EBF2: variants seen among roughly 807,000 people sequenced by gnomAD.
EBF2 encodes transcription factor COE2.
A neutral mutation model predicts 72.8 loss-of-function variants in EBF2; 21 were observed. The ratio of observed to expected loss-of-function variants is 0.29; its 90% confidence interval spans 0.20 to 0.42. The LOEUF is 0.42. Ranked by LOEUF, EBF2 falls within the 10% of genes least tolerant of loss-of-function variation. The pLI is 1.00. For synonymous variants in EBF2, 299 were observed against 274.2 expected (o/e 1.09, Z -0.89); for missense variants, 637 against 731.2 (o/e 0.87, Z 1.49).
intron 15 of EBF2, among the ~76,000 whole-genome samples, chr8:25,847,240 C>G (rs1801858990): frequency 6.6e-6 from 1 of 152,130 alleles, no homozygotes; most frequent in African/African-American, 2.4e-5. Context: ...ACAATGAAGT[C>G]TAGAGAAGGG....
At chr8:25,886,650 TA>T in intron 10 of EBF2, 104 bp downstream of exon 10, 1 of 1,355,432 alleles carries the variant, frequency 7.4e-7, no homozygotes, top group Non-Finnish European at 9.9e-7. Context: ...TCCACACTAG[TA>T]AAAAGACCTA....
At chr8:26,023,864 GA>G (rs958502019) in intron 6 of EBF2, among the ~76,000 whole-genome samples, 2 of 152,072 alleles carry the variant, frequency 1.3e-5, no homozygotes, top group Non-Finnish European at 2.9e-5. Context: ...ATCTGGCAGG[GA>G]AAAAACTTTC....
chr8:25,951,325 C>T (rs896129346), intron 6 of EBF2, among the ~76,000 whole-genome samples: 1 of 152,040 alleles, frequency 6.6e-6, no homozygotes, highest in African/African-American at 2.4e-5. Context: ...TGAGCTGGAG[C>T]CCAGGCCTGT....
intron 7 of EBF2, among the ~76,000 whole-genome samples, chr8:25,899,914 C>G (rs1392323837): frequency 6.6e-6 from 1 of 152,228 alleles, no homozygotes; most frequent in Non-Finnish European, 1.5e-5. Flanking sequence ...CCATTCCCAT[C>G]CGGCAGATCT....
chr8:25,964,934 T>C (rs1049207425), intron 6 of EBF2, among the ~76,000 whole-genome samples: 2 of 152,200 alleles, frequency 1.3e-5, no homozygotes, highest in Non-Finnish European at 2.9e-5. Flanking sequence ...CAATGCTGCC[T>C]TTCATCACTC....
intron 6 of EBF2, among the ~76,000 whole-genome samples, chr8:25,910,913 T>C (rs1803115492): frequency 6.6e-6 from 1 of 152,200 alleles, no homozygotes; most frequent in Admixed American, 6.5e-5. Flanking sequence ...TCTAAATGGC[T>C]TGCACCAGAA....
At chr8:26,040,508 A>C in intron 4 of EBF2, 108 bp downstream of exon 4, 1 of 1,012,350 alleles carries the variant, frequency 9.9e-7, no homozygotes, top group Non-Finnish European at 1.5e-6. Context: ...GGGGCTGTGG[A>C]GTCTGACCCA....
At chr8:26,041,032 T>G (rs779533745) in intron 2 of EBF2, 30 bp from the exon 3 acceptor site, 1 of 1,612,770 alleles carries the variant, frequency 6.2e-7, no homozygotes, top group Non-Finnish European at 8.5e-7. Flanking sequence ...TCGATTCCCT[T>G]GCCTTTCAGC....
intron 6 of EBF2, among the ~76,000 whole-genome samples, chr8:25,935,978 G>A (rs922474327): frequency 6.6e-6 from 1 of 152,158 alleles, no homozygotes; most frequent in Non-Finnish European, 1.5e-5. Context: ...GTGGAAGGGT[G>A]GTAACGTTAG....
intron 6 of EBF2, among the ~76,000 whole-genome samples, chr8:25,941,457 C>T (rs1051952039): frequency 3.9e-5 from 6 of 152,154 alleles, no homozygotes; most frequent in African/African-American, 1.4e-4. Flanking sequence ...CTGCCCACCT[C>T]GGCCTCCCAA....
intron 9 of EBF2, among the ~76,000 whole-genome samples, chr8:25,887,188 C>A (rs1802704700): frequency 6.6e-6 from 1 of 151,898 alleles, no homozygotes; most frequent in South Asian, 2.1e-4. Context: ...TCAACTCAAC[C>A]AATGTAGGTC....
intron 6 of EBF2, among the ~76,000 whole-genome samples, chr8:25,909,763 T>TA (rs1311217157): frequency 6.6e-6 from 1 of 152,206 alleles, no homozygotes; most frequent in East Asian, 1.9e-4. Flanking sequence ...GATGAGTAGA[T>TA]AAACAGTAAA....
chr8:25,954,753 G>A (rs1012050414), intron 6 of EBF2, among the ~76,000 whole-genome samples: 24 of 152,116 alleles, frequency 1.6e-4, no homozygotes, highest in African/African-American at 5.3e-4. Context: ...CCTTGGCACA[G>A]AAAGCCCTCG....
rs62499096 is a variant in EBF2 at position 25,944,931 on chromosome 8, G to A, written c.552-36376C>T. Among the ~76,000 whole-genome samples the A allele has an allele frequency of 6.2e-3, 947 of 152,104 alleles. 9 individuals carry two copies. Among genetic ancestry groups the A allele is most frequent in the South Asian group, 0.042 (202 of 4,822 alleles). ...TGGCCTCTGATAAGACAGGATACCA[G>A]TGTTCAGGACTGCTCTTGACAAAGT... On this transcript the variant is annotated intron_variant, in intron 6 of 15. Transcript: ENST00000520164.
intron 10 of EBF2, 151 bp from the exon 11 acceptor site, chr8:25,862,948 T>A (rs960551036): frequency 2.7e-6 from 1 of 372,630 alleles, no homozygotes; most frequent in African/African-American, 2.1e-5. Context: ...AATTCACATA[T>A]AAATTTGGAA....
At chr8:25,997,143 G>A (rs1447267997) in intron 6 of EBF2, among the ~76,000 whole-genome samples, 3 of 152,126 alleles carry the variant, frequency 2.0e-5, no homozygotes, top group African/African-American at 7.2e-5. Context: ...GGTGTGGTGT[G>A]ACCCACTCCC....
intron 10 of EBF2, among the ~76,000 whole-genome samples, chr8:25,867,204 G>A (rs893128779): frequency 1.3e-5 from 2 of 152,168 alleles, no homozygotes; most frequent in African/African-American, 4.8e-5. Flanking sequence ...TGTGTGCATG[G>A]CTCTGTCCAA....
At chr8:26,010,591 A>G (rs113115021) in intron 6 of EBF2, among the ~76,000 whole-genome samples, 25 of 152,350 alleles carry the variant, frequency 1.6e-4, no homozygotes, top group African/African-American at 4.8e-4. Context: ...GAGGAGCACA[A>G]TCGTGACAGC....
At chr8:25,929,794 G>A (rs998114607) in intron 6 of EBF2, among the ~76,000 whole-genome samples, 6 of 151,996 alleles carry the variant, frequency 3.9e-5, no homozygotes, top group African/African-American at 9.7e-5. Flanking sequence ...CACTGAGCTC[G>A]CCGGCCTGGC....
Sources: allele counts gnomAD v4.1 joint callset (sites outside exome capture counted in the v4.1 genomes callset), GRCh38; gene constraint gnomAD v4.1.1; transcripts MANE v1.5; gene names NCBI Gene and HGNC (gene_info 2026-07-23, HGNC 2026-07-21).